HECW2: variants seen among roughly 807,000 people sequenced by gnomAD.
HECW2 encodes HECT, C2 and WW domain containing E3 ubiquitin protein ligase 2.
Under a neutral mutation model 175.2 loss-of-function variants are expected in HECW2, and 61 were observed. That is an observed-to-expected ratio of 0.35 (90% confidence interval 0.28 to 0.43). The LOEUF is 0.43. Ranked by LOEUF, HECW2 falls within the 20% of genes least tolerant of loss-of-function variation. HECW2 has a pLI of 1.00. For missense variants in HECW2, 1,524 were observed against 2,000.5 expected (o/e 0.76, Z 4.54); for synonymous variants, 671 against 731.0 (o/e 0.92, Z 1.32).
chr2:196,429,972 C>A (rs933316131), intron 2 of HECW2, among the ~76,000 whole-genome samples: 3 of 152,102 alleles, frequency 2.0e-5, no homozygotes, highest in Admixed American at 6.5e-5. Context: ...ACAGAGTGAC[C>A]AGAGGTTAAG....
At position 196,474,661 on chromosome 2, in the gene HECW2, GCTAT is replaced by G. The variant is rs1473051007; in HGVS notation, c.-35-41207_-35-41204del. ...TATATGTGCAAAGCTTATATAGAAA[GCTAT>G]CTGTCATTTCATATCTGACAATGGA... On this transcript the variant is annotated intron_variant, in intron 1 of 28. Transcript: ENST00000644978. Among the ~76,000 whole-genome samples, 4 of 152,278 alleles carry G rather than the reference GCTAT, an allele frequency of 2.6e-5. No homozygotes were observed. In the South Asian group the frequency reaches 8.3e-4, roughly 32 times the overall value.
At chr2:196,554,135 G>C (rs886955239) in intron 1 of HECW2, among the ~76,000 whole-genome samples, 2 of 152,012 alleles carry the variant, frequency 1.3e-5, no homozygotes, top group Non-Finnish European at 2.9e-5. Context: ...TCAGGAGATC[G>C]AGACCACGGT....
chr2:196,273,892 G>A, intron 16 of HECW2, 129 bp downstream of exon 16: 1 of 618,558 alleles, frequency 1.6e-6, no homozygotes, highest in South Asian at 2.1e-5. Context: ...ATTTCTTAAG[G>A]ATAATGCAGC....
chr2:196,339,474 C>T (rs1009494131), intron 3 of HECW2, among the ~76,000 whole-genome samples: 3 of 152,170 alleles, frequency 2.0e-5, no homozygotes, highest in African/African-American at 7.2e-5. Context: ...CAATTCAGTA[C>T]ATAGCAATGT....
chr2:196,417,018 A>C (rs1474363471), intron 2 of HECW2, among the ~76,000 whole-genome samples: 1 of 152,244 alleles, frequency 6.6e-6, no homozygotes, highest in African/African-American at 2.4e-5. Flanking sequence ...GATGAAGGAA[A>C]TTCCTATTAG....
intron 1 of HECW2, among the ~76,000 whole-genome samples, chr2:196,462,231 T>C: frequency 6.6e-6 from 1 of 152,152 alleles, no homozygotes; most frequent in East Asian, 1.9e-4. Flanking sequence ...TCAAAATGTA[T>C]TGAAAAGCAG....
chr2:196,231,446 G>A (rs1338186835), intron 21 of HECW2, among the ~76,000 whole-genome samples: 4 of 152,144 alleles, frequency 2.6e-5, no homozygotes, highest in Admixed American at 1.3e-4. Flanking sequence ...ATAGAGTAGC[G>A]GTTGGCAAAC....
At chr2:196,506,042 G>A (rs1359213870) in intron 1 of HECW2, among the ~76,000 whole-genome samples, 2 of 152,134 alleles carry the variant, frequency 1.3e-5, no homozygotes, top group African/African-American at 4.8e-5. Context: ...ATGGGGCCAC[G>A]TGGGTCAAGC....
chr2:196,464,494 C>G (rs1419221676), intron 1 of HECW2, among the ~76,000 whole-genome samples: 5 of 152,132 alleles, frequency 3.3e-5, no homozygotes, highest in Non-Finnish European at 4.4e-5. Context: ...ACATTCAATC[C>G]TCTTTCTACT....
At chr2:196,297,113 C>T (rs1174989930) in intron 13 of HECW2, among the ~76,000 whole-genome samples, 1 of 152,184 alleles carries the variant, frequency 6.6e-6, no homozygotes, top group South Asian at 2.1e-4. Context: ...AGCCACTGCA[C>T]GTGGACTCGA....
intron 2 of HECW2, among the ~76,000 whole-genome samples, chr2:196,419,545 T>C (rs565528477): frequency 9.2e-5 from 14 of 152,322 alleles, no homozygotes; most frequent in African/African-American, 3.4e-4. Context: ...AACTGCCCCT[T>C]CTCCATGCTC....
chr2:196,503,821 A>G (rs1022113779), intron 1 of HECW2, among the ~76,000 whole-genome samples: 1 of 152,254 alleles, frequency 6.6e-6, no homozygotes, highest in South Asian at 2.1e-4. Flanking sequence ...GCAGCATTTT[A>G]AAAGTTGTTT....
At position 196,274,051 on chromosome 2, in the gene HECW2, T is replaced by A. The variant is rs779587910; in HGVS notation, c.3208A>T (p.Arg1070Trp). The part of the protein sequence containing the change: ...RPSSTFNTVS[R>W]PQYQDMVPVA... ...GGAACCATGTCCTGGTACTGTGGCC[T>A]ACTGACTGTATTGAATGTACTGGAT... Residue 1070 changes from arginine to tryptophan, a missense_variant, in exon 16 of 29, where the codon AGG becomes TGG. Around this residue, in one of 11 missense-constraint regions of HECW2, gnomAD observed 291 missense variants for 412.2 expected, o/e 0.71. Coordinates refer to ENST00000644978, the MANE Select transcript of HECW2 (RefSeq NM_001348768.2). The A allele has an allele frequency of 6.2e-7, 1 of 1,613,980 alleles. No homozygotes were observed.
intron 2 of HECW2, among the ~76,000 whole-genome samples, chr2:196,348,869 A>T (rs1458770325): frequency 6.6e-6 from 1 of 152,130 alleles, no homozygotes; most frequent in Non-Finnish European, 1.5e-5. Context: ...CTGTCCTCAC[A>T]TCCCCTACCT....
intron 2 of HECW2, among the ~76,000 whole-genome samples, chr2:196,428,925 T>TA (rs1443918280): frequency 2.0e-5 from 3 of 152,184 alleles, no homozygotes; most frequent in Admixed American, 6.5e-5. Flanking sequence ...TTCCCACATA[T>TA]AACATGAACT....
At chr2:196,386,555 T>C (rs925858158) in intron 2 of HECW2, among the ~76,000 whole-genome samples, 4 of 152,228 alleles carry the variant, frequency 2.6e-5, no homozygotes, top group African/African-American at 7.2e-5. Context: ...TGTTTTTGAC[T>C]TGTCTCTGTT....
intron 14 of HECW2, among the ~76,000 whole-genome samples, chr2:196,280,207 A>T (rs1039926935): frequency 1.3e-5 from 2 of 152,364 alleles, no homozygotes; most frequent in Admixed American, 1.3e-4. Flanking sequence ...CTATAAACCA[A>T]GTATCAAGGC....
At chr2:196,317,429 T>C in intron 9 of HECW2, 60 bp from the exon 10 acceptor site, 1 of 1,197,542 alleles carries the variant, frequency 8.4e-7, no homozygotes, top group Non-Finnish European at 1.2e-6. Flanking sequence ...CAAAACAGAC[T>C]CTATACAAAA....
intron 21 of HECW2, among the ~76,000 whole-genome samples, chr2:196,229,741 A>G (rs1687982028): frequency 6.6e-6 from 1 of 152,242 alleles, no homozygotes; most frequent in Non-Finnish European, 1.5e-5. Context: ...GACTTCAATT[A>G]TTCATACTAC....
Sources: gnomAD v4.1 joint callset for allele counts (sites outside exome capture counted in the v4.1 genomes callset) on GRCh38, gnomAD v4.1.1 for gene constraint, gnomAD v4.1.1 regional missense constraint, MANE v1.5 for transcripts, NCBI Gene and HGNC (gene_info 2026-07-23, HGNC 2026-07-21) for gene names.